Variants in WNK2 observed in about 807,000 individuals in gnomAD.
WNK2 encodes the protein serine/threonine-protein kinase WNK2.
Under a neutral mutation model 192.1 loss-of-function variants are expected in WNK2, and 67 were observed. The observed-to-expected ratio is 0.35, with a 90% CI of 0.29 to 0.43. The LOEUF (loss-of-function observed/expected upper bound fraction) is 0.43, where lower values mean the gene tolerates loss of function less well. Among genes scored for constraint, WNK2 ranks in the 20% least tolerant of loss-of-function variants. The pLI is 1.00. For synonymous variants in WNK2, 1,439 were observed against 1,393.9 expected (o/e 1.03, Z -0.72); for missense variants, 2,698 against 3,089.7 (o/e 0.87, Z 3.01).
intron 7 of WNK2, among the ~76,000 whole-genome samples, chr9:93,241,075 A>T (rs1219267088): frequency 6.6e-6 from 1 of 152,206 alleles, no homozygotes; most frequent in African/African-American, 2.4e-5. Context: ...GACGCCAGAG[A>T]GGGACAGTGG....
Position 93,258,938 on chromosome 9 carries a change from C to G in WNK2, c.2390C>G (p.Pro797Arg), listed in dbSNP as rs556344613. 6.2e-7 allele frequency: 1 copy of G among 1,611,190 alleles called. No homozygotes were observed. The highest frequency in any genetic ancestry group is 1.1e-5 in the South Asian group (1 of 90,882). The change falls in exon 12 of 30, where the codon CCG becomes CGG. Residue 797 changes from proline (P) to arginine (R), a missense_variant. Physicochemically the swap from Pro to Arg is moderately radical, Grantham distance 103 (BLOSUM62 -2). This residue lies in a region of WNK2 where 893 missense variants were observed against 909.0 expected (regional missense o/e 0.98). Transcript: ENST00000427277. ...CTCCTGTGTCTCTTTCAGATGCCCCCGATTCCTGTTGTGCCCCCCATCACG... is the reference window on the plus strand; with the variant it reads ...CTCCTGTGTCTCTTTCAGATGCCCCGGATTCCTGTTGTGCCCCCCATCACG... ...PLAQVPPQMPPIPVVPPITPL... is the reference protein window; with the variant it reads ...PLAQVPPQMPRIPVVPPITPL...
chr9:93,304,322 C>T (rs1043051973), intron 26 of WNK2, among the ~76,000 whole-genome samples: 3 of 152,214 alleles, frequency 2.0e-5, no homozygotes, highest in African/African-American at 7.2e-5. Flanking sequence ...GTCGGCTGCA[C>T]AAAAGCAGGA....
rs1162335997 is a variant in WNK2 at position 93,289,369 on chromosome 9, C to T, written c.4615C>T (p.Pro1539Ser). 1.2e-6 allele frequency: 2 copies of T among 1,611,724 alleles called. No individual in the cohort carries two copies. Among genetic ancestry groups the T allele is most frequent in the East Asian group, 2.2e-5 (1 of 44,846 alleles). The change falls in exon 20 of 30, where the codon CCC becomes TCC. Residue 1539 changes from proline (P) to serine (S), a missense_variant. Pro to Ser is a moderately conservative substitution (Grantham distance 74). Coordinates refer to ENST00000427277, the MANE Select transcript of WNK2 (RefSeq NM_006648.4). The stretch of plus-strand genomic sequence containing the variant: ...CCTGGAGTCGGATGGGGAAGGGCCG[C>T]CCCCCAGGGTGGGCTTTGTGGACAG... Reference protein sequence around the residue: ...SALESDGEGPPPRVGFVDSTI... With the variant: ...SALESDGEGPSPRVGFVDSTI...
chr9:93,250,978 G>GT (rs1452106868), intron 8 of WNK2, among the ~76,000 whole-genome samples: 2 of 33,520 alleles, frequency 6.0e-5, no homozygotes, highest in Admixed American at 3.7e-4. Flanking sequence ...TAGAGACGGG[G>GT]TTTTGCCCTG....
Position 93,229,036 on chromosome 9 carries a change from C to T in WNK2, c.682-660C>T, listed in dbSNP as rs1422774221. Among the ~76,000 whole-genome samples, 11 of 152,044 alleles carry T rather than the reference C, an allele frequency of 7.2e-5. No individual in the cohort carries two copies. Among genetic ancestry groups the T allele is most frequent in the Admixed American group, 1.3e-4 (2 of 15,274 alleles). On this transcript the variant is annotated intron_variant, in intron 2 of 29. Coordinates refer to ENST00000427277, the MANE Select transcript of WNK2 (RefSeq NM_006648.4). This position sits in a 1 kb window ranked among gnomAD's most constrained non-coding sequence, Gnocchi z 4.9. ...GGTGCATGCACCTGACCAGGGTTCCCGGGTGATGATGGTGGCGTTTGTTTG... is the reference window on the plus strand; with the variant it reads ...GGTGCATGCACCTGACCAGGGTTCCTGGGTGATGATGGTGGCGTTTGTTTG...
intron 5 of WNK2, among the ~76,000 whole-genome samples, chr9:93,236,685 C>T (rs1839867607): frequency 6.6e-6 from 1 of 152,220 alleles, no homozygotes; most frequent in Non-Finnish European, 1.5e-5. Flanking sequence ...GGGTGAGGAG[C>T]CACTGTCCCT....
At chr9:93,265,707 C>T (rs1231848118) in intron 16 of WNK2, among the ~76,000 whole-genome samples, 1 of 152,252 alleles carries the variant, frequency 6.6e-6, no homozygotes, top group Non-Finnish European at 1.5e-5. Flanking sequence ...TATCACTCAG[C>T]CACCAGCTGA....
At chr9:93,194,261 A>G (rs1353799991) in intron 2 of WNK2, among the ~76,000 whole-genome samples, 1 of 152,232 alleles carries the variant, frequency 6.6e-6, no homozygotes, top group Non-Finnish European at 1.5e-5. Flanking sequence ...GACACTGTCA[A>G]GACAATGAGA....
At position 93,318,019 on chromosome 9, in the gene WNK2, C is replaced by T. The variant is rs770729213; in HGVS notation, c.6628+388C>T. 20 of 1,612,610 alleles carry T rather than the reference C, an allele frequency of 1.2e-5. No individual in the cohort carries two copies. In the African/African-American group the frequency reaches 1.7e-4, roughly 14 times the overall value. On this transcript the variant is annotated intron_variant, in intron 29 of 29. Transcript: ENST00000427277. ...TTCCTTTGCGGCTTCAGACCCTGTTCGCTCCTAGGTTCCTGTGGTCCACGC... is the reference window on the plus strand; with the variant it reads ...TTCCTTTGCGGCTTCAGACCCTGTTTGCTCCTAGGTTCCTGTGGTCCACGC...
intron 4 of WNK2, 139 bp downstream of exon 4, chr9:93,231,247 C>A: frequency 1.2e-6 from 1 of 835,204 alleles, no homozygotes; most frequent in Non-Finnish European, 1.9e-6. Context: ...GAGCCTCGGG[C>A]CAGGGTGTCT....
intron 2 of WNK2, among the ~76,000 whole-genome samples, chr9:93,196,539 A>T (rs1368087371): frequency 6.6e-6 from 1 of 152,114 alleles, no homozygotes; most frequent in Non-Finnish European, 1.5e-5. Flanking sequence ...ACCACATTTG[A>T]TGGTGGGAAA....
chr9:93,282,342 G>A (rs995170133), intron 19 of WNK2, among the ~76,000 whole-genome samples: 1 of 151,768 alleles, frequency 6.6e-6, no homozygotes, highest in Non-Finnish European at 1.5e-5. Flanking sequence ...GGCAAAGAAG[G>A]AAAGAAACAG....
chr9:93,292,594 C>T lies in WNK2; in HGVS notation c.5129C>T (p.Thr1710Ile), dbSNP rs1201205357. 6.3e-7 allele frequency: 1 copy of T among 1,579,702 alleles called. No individual in the cohort carries two copies. Among genetic ancestry groups the T allele is most frequent in the South Asian group, 1.2e-5 (1 of 86,914 alleles). The change falls in exon 23 of 30, where the codon ACA (threonine) becomes ATA (isoleucine). Residue 1710 changes from threonine (T) to isoleucine (I), a missense_variant. By Grantham distance (89) the Thr-to-Ile change is moderately conservative. This residue lies in a region of WNK2 where 1,098 missense variants were observed against 1,101.0 expected (regional missense o/e 1.00). Coordinates refer to ENST00000427277, the MANE Select transcript of WNK2 (RefSeq NM_006648.4). ...SAEPPPSDMG[T>I]VGGQASHPQT... ...GAGCCCCCGCCGAGTGACATGGGCACAGTGGGGGGCCAGGCTAGCCACCCC... is the reference window on the plus strand; with the variant it reads ...GAGCCCCCGCCGAGTGACATGGGCATAGTGGGGGGCCAGGCTAGCCACCCC...
At chr9:93,226,066 C>G (rs1358170979) in intron 2 of WNK2, among the ~76,000 whole-genome samples, 2 of 152,184 alleles carry the variant, frequency 1.3e-5, no homozygotes, top group Non-Finnish European at 2.9e-5. Flanking sequence ...GCTTGGTGTC[C>G]GTTTGACAGC....
chr9:93,190,779 T>G (rs1830201042), intron 2 of WNK2, among the ~76,000 whole-genome samples: 1 of 152,158 alleles, frequency 6.6e-6, no homozygotes, highest in Non-Finnish European at 1.5e-5. Context: ...TGGACGCAAA[T>G]GTCCACACGT....
At chr9:93,240,258 G>A (rs181550490) in intron 7 of WNK2, among the ~76,000 whole-genome samples, 1 of 152,278 alleles carries the variant, frequency 6.6e-6, no homozygotes, top group Admixed American at 6.5e-5. Flanking sequence ...ATTCAGGGTG[G>A]GTGTGCAGAG....
chr9:93,299,019 C>T lies in WNK2; in HGVS notation c.5924-51C>T. The T allele has an allele frequency of 3.9e-6, 6 of 1,557,072 alleles. No homozygotes were observed. The South Asian group carries it at 6.0e-5, about 16-fold the overall frequency. ...CAGAACAGACTCAATCCACACGGCC[C>T]CGACCCGGCGGCGCCTCATCGTGCC... On this transcript the variant is annotated intron_variant, in intron 24 of 29. Transcript: ENST00000427277.
chr9:93,299,324 C>A, intron 25 of WNK2, 63 bp downstream of exon 25: 1 of 1,506,652 alleles, frequency 6.6e-7, no homozygotes, highest in Non-Finnish European at 8.9e-7. Flanking sequence ...GTGGTGTCCC[C>A]AGGAGCACGC....
At position 93,247,700 on chromosome 9, in the gene WNK2, C is replaced by G; in HGVS notation, c.1700C>G (p.Pro567Arg). 1 of 1,564,918 alleles carries G rather than the reference C, an allele frequency of 6.4e-7. No individual in the cohort carries two copies. The highest frequency in any genetic ancestry group is 1.2e-5 in the South Asian group (1 of 85,088). The change falls in exon 8 of 30, where the codon CCG (proline) becomes CGG (arginine). Residue 567 changes from proline to arginine, a missense_variant. Coordinates refer to ENST00000427277, the MANE Select transcript of WNK2 (RefSeq NM_006648.4). This position sits in a 1 kb window ranked among gnomAD's most constrained non-coding sequence, Gnocchi z 5.2. ...GGCAGCCCGGACAAGGCCAGGGGTC[C>G]GCCGGTGCCCCTGCAGGTCCAGGTG... is the stretch of plus-strand genomic sequence containing the variant. ...DVGSPDKARG[P>R]PVPLQVQVTY...
Sources: allele counts gnomAD v4.1 joint callset (sites outside exome capture counted in the v4.1 genomes callset), GRCh38; gene constraint gnomAD v4.1.1; regional missense constraint gnomAD v4.1.1; non-coding constraint Gnocchi (gnomAD v3.1); transcripts MANE v1.5; gene names NCBI Gene and HGNC (gene_info 2026-07-23, HGNC 2026-07-21).